FAT1: variants seen among roughly 807,000 people sequenced by gnomAD.
FAT1 encodes protocadherin Fat 1.
FAT1 carries 171 observed loss-of-function variants against 329.8 expected under a neutral mutation model. The observed-to-expected ratio is 0.52, with a 90% confidence interval of 0.46 to 0.59. The LOEUF is 0.59. FAT1 is among the 20% of genes least tolerant of loss of function. FAT1 has a pLI of 0.00. For missense variants in FAT1, 5,672 were observed against 5,774.4 expected, an observed-to-expected ratio of 0.98 and a Z score of 0.57; for synonymous variants, 2,233 against 2,228.6, an observed-to-expected ratio of 1.00 and a Z score of -0.06.
chr4:186,596,390 A>T lies in FAT1; in HGVS notation c.13000+150T>A, dbSNP rs529601765. On this transcript the variant is annotated intron_variant, in intron 25 of 26. Transcript: ENST00000441802. This position sits in a 1 kb window ranked among gnomAD's most constrained non-coding sequence, Gnocchi z 4.7. ...CCACAATGCTAACCCAGCAATCGGGACATCCAAAAAAGTTTCAAATCATCA... is the reference window on the plus strand; with the variant it reads ...CCACAATGCTAACCCAGCAATCGGGTCATCCAAAAAAGTTTCAAATCATCA... The T allele has an allele frequency of 3.9e-6, 3 of 766,492 alleles. No homozygotes were observed. In the Admixed American group the frequency reaches 1.1e-4, roughly 27 times the overall value. 47.5% of individuals were successfully genotyped at this position (766,492 alleles called of 1,614,324 possible).
At chr4:186,675,282 C>A (rs1742898327) in intron 2 of FAT1, among the ~76,000 whole-genome samples, 1 of 150,570 alleles carries the variant, frequency 6.6e-6, no homozygotes, top group South Asian at 2.1e-4. Flanking sequence ...GAAAAACCCT[C>A]TTTAGGAAAG....
At chr4:186,590,329 T>G (rs1330789921) in intron 26 of FAT1, 1 of 1,263,856 alleles carries the variant, frequency 7.9e-7, no homozygotes, top group African/African-American at 1.5e-5. Flanking sequence ...CCCATTGTTT[T>G]TAGTGAGTAT....
At chr4:186,636,452 G>A in intron 5 of FAT1, 133 bp downstream of exon 5, 1 of 993,138 alleles carries the variant, frequency 1.0e-6, no homozygotes. Flanking sequence ...ATCCGGCATT[G>A]CCTAATGGGG....
At chr4:186,622,192 T>C (rs1371406600) in intron 9 of FAT1, among the ~76,000 whole-genome samples, 3 of 152,258 alleles carry the variant, frequency 2.0e-5, no homozygotes, top group African/African-American at 4.8e-5. Flanking sequence ...TCTTAAGATA[T>C]GTATTCATTA....
chr4:186,699,122 G>C (rs952605017), intron 2 of FAT1, among the ~76,000 whole-genome samples: 1 of 151,970 alleles, frequency 6.6e-6, no homozygotes. Context: ...GCCTGTACAC[G>C]GCAAGTACTC....
chr4:186,700,408 G>A (rs899958150), intron 2 of FAT1, among the ~76,000 whole-genome samples: 1 of 152,196 alleles, frequency 6.6e-6, no homozygotes, highest in Non-Finnish European at 1.5e-5. Flanking sequence ...CCACGCCTTC[G>A]CTGGCCTGAT....
At chr4:186,599,800 T>A in intron 22 of FAT1, 98 bp downstream of exon 22, 3 of 945,396 alleles carry the variant, frequency 3.2e-6, no homozygotes, top group Non-Finnish European at 4.7e-6. Flanking sequence ...CAAAATTATC[T>A]GAATCAAAAG....
intron 2 of FAT1, among the ~76,000 whole-genome samples, chr4:186,684,046 T>C (rs879000358): frequency 5.9e-5 from 9 of 151,970 alleles, no homozygotes; most frequent in Non-Finnish European, 7.4e-5. Flanking sequence ...ATCCAAATAA[T>C]TGAATAAGTA....
In FAT1 at chr4:186,588,577, G is replaced by C. The variant is rs747545404; in HGVS notation, c.*15C>G. On this transcript the variant is annotated 3_prime_UTR_variant, in exon 27 of 27. Coordinates refer to ENST00000441802, the MANE Select transcript of FAT1 (RefSeq NM_005245.4). ...TAGGTTCACTAAAGTCAGGCACTTT[G>C]GGGGGAGTTGAGAGTCAGACTTCCG... The C allele has an allele frequency of 3.1e-6, 5 of 1,592,992 alleles. No individual in the cohort carries two copies. Among genetic ancestry groups the C allele is most frequent in the East Asian group, 2.2e-5 (1 of 44,782 alleles).
At position 186,620,636 on chromosome 4, in the gene FAT1, A is replaced by G. The variant is rs2126517603; in HGVS notation, c.5950T>C (p.Tyr1984His). 1 of 1,614,016 alleles carries G rather than the reference A, an allele frequency of 6.2e-7. No individual in the cohort carries two copies. The highest frequency in any genetic ancestry group is 8.5e-7 in the Non-Finnish European group (1 of 1,179,892). ...ESHLKFTQDVYSAVVKENSTE... is the reference protein window; with the variant it reads ...ESHLKFTQDVHSAVVKENSTE... Reference sequence around the variant, plus strand: ...GAATTCTCTTTCACTACCGCAGAGTAGACATCCTGGGTAAACTTTAGGTGA... The same window carrying G: ...GAATTCTCTTTCACTACCGCAGAGTGGACATCCTGGGTAAACTTTAGGTGA... The change falls in exon 10 of 27, where the codon TAC becomes CAC. Residue 1984 changes from tyrosine (Y) to histidine (H), a missense_variant. Tyr to His is a moderately conservative substitution (Grantham distance 83, BLOSUM62 2). Coordinates refer to ENST00000441802, the MANE Select transcript of FAT1 (RefSeq NM_005245.4).
chr4:186,714,739 A>G (rs1431158138), intron 1 of FAT1, among the ~76,000 whole-genome samples: 1 of 152,234 alleles, frequency 6.6e-6, no homozygotes, highest in African/African-American at 2.4e-5. Flanking sequence ...AGATTTTTCT[A>G]CAGCTGAAGC....
chr4:186,709,176 A>G lies in FAT1; in HGVS notation c.652T>C (p.Tyr218His), dbSNP rs2126702120. ...GRLDYLETKL[Y>H]EMEILAADRG... ...TCCGCAGCGAGGATTTCCATCTCAT[A>G]GAGCTTGGTCTCTAGGTAATCAAGT... The change falls in exon 2 of 27, where the codon TAT (tyrosine) becomes CAT (histidine). Residue 218 changes from tyrosine (Y) to histidine (H), a missense_variant. Physicochemically the swap from Tyr to His is moderately conservative, Grantham distance 83 (BLOSUM62 2). Coordinates refer to ENST00000441802, the MANE Select transcript of FAT1 (RefSeq NM_005245.4). 1 of 1,613,824 alleles carries G rather than the reference A, an allele frequency of 6.2e-7. No individual in the cohort carries two copies. The highest frequency in any genetic ancestry group is 8.5e-7 in the Non-Finnish European group (1 of 1,179,740).
chr4:186,591,583 A>G (rs991127160), intron 26 of FAT1, among the ~76,000 whole-genome samples: 7 of 152,254 alleles, frequency 4.6e-5, no homozygotes, highest in African/African-American at 1.7e-4. Flanking sequence ...GGAGACTGCA[A>G]TGAAGGAACT....
intron 14 of FAT1, 120 bp from the exon 15 acceptor site, chr4:186,610,135 A>T (rs1236723350): frequency 3.3e-6 from 2 of 614,990 alleles, no homozygotes; most frequent in Non-Finnish European, 5.7e-6. Flanking sequence ...TTTACTTACC[A>T]TTTACGTATG....
In FAT1 at chr4:186,618,092, T is replaced by C. The variant is rs1223921906; in HGVS notation, c.8494A>G (p.Arg2832Gly). 1.2e-6 allele frequency: 2 copies of C among 1,614,030 alleles called. No homozygotes were observed. Among genetic ancestry groups the C allele is most frequent in the East Asian group, 2.2e-5 (1 of 44,890 alleles). The change falls in exon 10 of 27, where the codon AGG becomes GGG. Residue 2832 changes from arginine to glycine, a missense_variant. By Grantham distance (125) the Arg-to-Gly change is moderately radical (BLOSUM62 -2). This residue lies in a region of FAT1 where 3,966 missense variants were observed against 3,915.2 expected (regional missense o/e 1.01). Coordinates refer to ENST00000441802, the MANE Select transcript of FAT1 (RefSeq NM_005245.4). ...LPGGSRVIQI[R>G]ASDADSGTNG... Reference sequence around the variant, plus strand: ...GTTCCTGAGTCAGCATCAGATGCCCTGATCTGAATTACTCTACTTCCCCCT... The same window carrying C: ...GTTCCTGAGTCAGCATCAGATGCCCCGATCTGAATTACTCTACTTCCCCCT...
Position 186,663,358 on chromosome 4 carries a change from A to C in FAT1, c.3521T>G (p.Leu1174Arg). 6.2e-7 allele frequency: 1 copy of C among 1,613,994 alleles called. No individual in the cohort carries two copies. Among genetic ancestry groups the C allele is most frequent in the Non-Finnish European group, 8.5e-7 (1 of 1,179,892 alleles). Residue 1174 changes from leucine (L) to arginine (R), a missense_variant, in exon 3 of 27, where the codon CTC becomes CGC. Around this residue, in one of 2 missense-constraint regions of FAT1, gnomAD observed 3,966 missense variants for 3,915.2 expected, o/e 1.01. Coordinates refer to ENST00000441802, the MANE Select transcript of FAT1 (RefSeq NM_005245.4). ...ATTTCCACTTGTAATTTTGTACATG[A>C]GCTTGTCATTAGAGCTCGAATCTGG... is the stretch of plus-strand genomic sequence containing the variant. ...FDPDSSSNDK[L>R]MYKITSGNPQ...
chr4:186,724,212 G>T (rs1174872574), upstream of FAT1, among the ~76,000 whole-genome samples: 1 of 148,648 alleles, frequency 6.7e-6, no homozygotes, highest in Non-Finnish European at 1.5e-5. This position sits in a 1 kb window ranked among gnomAD's most constrained non-coding sequence, Gnocchi z 5.3. Flanking sequence ...AAAAGGCTGG[G>T]GCCTAATGAG....
chr4:186,707,490 G>A lies in FAT1; in HGVS notation c.2338C>T (p.Leu780Phe), dbSNP rs781755435. ...TATTTGTCTGTTGTTTCACGGTCAA[G>A]AGGAGATAAAATTTTCAGCATTCCT... ...ETGMLKILSP[L>F]DRETTDKYTL... The change falls in exon 2 of 27, where the codon CTT becomes TTT. Residue 780 changes from leucine (L) to phenylalanine (F), a missense_variant. Transcript: ENST00000441802. 102 of 1,613,896 alleles carry A rather than the reference G, an allele frequency of 6.3e-5. No individual in the cohort carries two copies. The highest frequency in any genetic ancestry group is 8.0e-5 in the Non-Finnish European group (94 of 1,179,902).
chr4:186,671,572 G>A (rs975281806), intron 2 of FAT1, among the ~76,000 whole-genome samples: 17 of 151,832 alleles, frequency 1.1e-4, no homozygotes, highest in African/African-American at 3.9e-4. Flanking sequence ...GGTGGCAGGC[G>A]CCTGTAATCC....
Sources: allele counts gnomAD v4.1 joint callset (sites outside exome capture counted in the v4.1 genomes callset), GRCh38; gene constraint gnomAD v4.1.1; regional missense constraint gnomAD v4.1.1; non-coding constraint Gnocchi (gnomAD v3.1); transcripts MANE v1.5; gene names NCBI Gene and HGNC (gene_info 2026-07-23, HGNC 2026-07-21).